Variants in PALLD observed in about 807,000 individuals in gnomAD.
PALLD encodes palladin, cytoskeletal associated protein, also known as palladin.
In PALLD, 61 loss-of-function variants were observed where a neutral mutation model predicts 123.5. The ratio of observed to expected loss-of-function variants is 0.49; its 90% CI spans 0.40 to 0.61. The LOEUF is 0.61. PALLD is among the 20% of genes least tolerant of loss of function. The probability of loss-of-function intolerance (pLI) is 0.00; values close to 1 mark genes in which losing one functional copy is unlikely to be tolerated. For synonymous variants in PALLD, 465 were observed against 496.4 expected (o/e 0.94, Z 0.84); for missense variants, 1,273 against 1,377.0 (o/e 0.92, Z 1.20).
chr4:168,912,324 T>C (rs1269203987), intron 15 of PALLD, among the ~76,000 whole-genome samples: 1 of 152,248 alleles, frequency 6.6e-6, no homozygotes, highest in Non-Finnish European at 1.5e-5. Flanking sequence ...TCATTGATGG[T>C]ACATCTGCTT....
At chr4:168,699,396 T>A (rs1268507918) in intron 8 of PALLD, among the ~76,000 whole-genome samples, 1 of 152,102 alleles carries the variant, frequency 6.6e-6, no homozygotes, top group Non-Finnish European at 1.5e-5. Context: ...CAAATATTGA[T>A]ACAAGCATTA....
At chr4:168,838,063 C>T (rs1206003388) in intron 10 of PALLD, among the ~76,000 whole-genome samples, 1 of 152,192 alleles carries the variant, frequency 6.6e-6, no homozygotes, top group African/African-American at 2.4e-5. Flanking sequence ...GGAGTACATA[C>T]GCTATTGTTT....
chr4:168,810,712 GC>G (rs1454923688), intron 10 of PALLD, among the ~76,000 whole-genome samples: 1 of 151,746 alleles, frequency 6.6e-6, no homozygotes, highest in African/African-American at 2.4e-5. Flanking sequence ...GGAGGCTGAG[GC>G]AGGAGAATGG....
intron 10 of PALLD, among the ~76,000 whole-genome samples, chr4:168,739,897 G>A (rs1158904072): frequency 6.6e-6 from 1 of 152,030 alleles, no homozygotes; most frequent in Non-Finnish European, 1.5e-5. Context: ...TTGTCCCTTT[G>A]TTTCACACTC....
intron 2 of PALLD, among the ~76,000 whole-genome samples, chr4:168,570,053 C>T (rs1426230878): frequency 1.3e-5 from 2 of 152,052 alleles, no homozygotes; most frequent in Non-Finnish European, 2.9e-5. Flanking sequence ...AAATGTATAT[C>T]GTTGTAATTC....
intron 13 of PALLD, among the ~76,000 whole-genome samples, chr4:168,897,157 G>A (rs141869108): frequency 6.6e-6 from 1 of 152,060 alleles, no homozygotes; most frequent in East Asian, 1.9e-4. Flanking sequence ...TCTGTCATTA[G>A]TGGATACTCT....
chr4:168,767,148 A>G (rs1042583756), intron 10 of PALLD, among the ~76,000 whole-genome samples: 2 of 152,086 alleles, frequency 1.3e-5, no homozygotes, highest in African/African-American at 4.8e-5. Context: ...GACTGTAACA[A>G]CCCAACCCTC....
At chr4:168,904,375 G>T (rs1757179663) in intron 15 of PALLD, 1 of 161,476 alleles carries the variant, frequency 6.2e-6, no homozygotes, top group African/African-American at 2.4e-5. Flanking sequence ...GTAGACAAAT[G>T]ATAATTTTGA....
chr4:168,691,342 T>A, intron 8 of PALLD, 50 bp downstream of exon 8: 1 of 1,481,500 alleles, frequency 6.7e-7, no homozygotes, highest in Non-Finnish European at 9.4e-7. Flanking sequence ...GAGCAGATAA[T>A]GTATCTTTTG....
intron 2 of PALLD, among the ~76,000 whole-genome samples, chr4:168,519,566 A>G (rs921480024): frequency 2.0e-4 from 30 of 151,778 alleles, no homozygotes; most frequent in African/African-American, 7.0e-4. Flanking sequence ...TATTATATGT[A>G]TTCAGTCTTG....
intron 1 of PALLD, 94 bp downstream of exon 1, chr4:168,497,288 A>C (rs1045303047): frequency 6.6e-6 from 1 of 152,044 alleles, no homozygotes; most frequent in African/African-American, 2.4e-5. Flanking sequence ...TTTTCTGAAG[A>C]TATGATACTA....
At chr4:168,808,265 G>T (rs187925721) in intron 10 of PALLD, among the ~76,000 whole-genome samples, 1 of 151,900 alleles carries the variant, frequency 6.6e-6, no homozygotes, top group Admixed American at 6.6e-5. Context: ...CGGATCACAA[G>T]GTCAGGAGAT....
At chr4:168,595,127 A>G (rs905364443) in intron 2 of PALLD, among the ~76,000 whole-genome samples, 2 of 152,134 alleles carry the variant, frequency 1.3e-5, no homozygotes, top group Non-Finnish European at 1.5e-5. Flanking sequence ...AAAGACCCCA[A>G]ATAAATGTTT....
At chr4:168,782,527 C>T (rs1232305413) in intron 10 of PALLD, among the ~76,000 whole-genome samples, 2 of 152,088 alleles carry the variant, frequency 1.3e-5, no homozygotes, top group African/African-American at 4.8e-5. Context: ...GCCATATGGA[C>T]TCTATAATAG....
chr4:168,689,364 G>T (rs1451333800), intron 6 of PALLD, among the ~76,000 whole-genome samples: 1 of 147,176 alleles, frequency 6.8e-6, no homozygotes, highest in Non-Finnish European at 1.5e-5. Flanking sequence ...TTTGCTTTTG[G>T]TGTATATATG....
At chr4:168,693,593 C>T (rs571583688) in intron 8 of PALLD, among the ~76,000 whole-genome samples, 1 of 152,142 alleles carries the variant, frequency 6.6e-6, no homozygotes, top group Non-Finnish European at 1.5e-5. Context: ...TTTAAGAAAA[C>T]AGATTCCTTC....
chr4:168,819,028 A>T (rs1414985737), intron 10 of PALLD, among the ~76,000 whole-genome samples: 2 of 152,194 alleles, frequency 1.3e-5, no homozygotes, highest in African/African-American at 2.4e-5. Flanking sequence ...AAAAAAGATG[A>T]TGATGAACAA....
chr4:168,686,023 T>A (rs2710823), intron 6 of PALLD, among the ~76,000 whole-genome samples: 10 of 152,184 alleles, frequency 6.6e-5, no homozygotes, highest in Admixed American at 4.6e-4. Context: ...TTTTCCTTTT[T>A]CCTTCCTTTT....
rs575392509 is a variant in PALLD at position 168,709,830 on chromosome 4, C to T, written c.1621+683C>T. On this transcript the variant is annotated intron_variant, in intron 9 of 21. Coordinates refer to ENST00000505667, the MANE Select transcript of PALLD (RefSeq NM_001166108.2). ...AATGATCGTGTAGCAACTGAACACA[C>T]AGGGGGCTTTCTTTAAAATCGTGCA... is the stretch of plus-strand genomic sequence containing the variant. 9.2e-5 allele frequency among the ~76,000 whole-genome samples: 14 copies of T among 152,088 alleles called. No homozygotes were observed. In the South Asian group the frequency reaches 2.9e-3, roughly 32 times the overall value.
Sources: allele counts gnomAD v4.1 joint callset (sites outside exome capture counted in the v4.1 genomes callset), GRCh38; gene constraint gnomAD v4.1.1; transcripts MANE v1.5; gene names NCBI Gene and HGNC (gene_info 2026-07-23, HGNC 2026-07-21).